Variants in MORC3 observed in about 807,000 individuals in gnomAD.
MORC3 encodes the protein MORC family CW-type zinc finger 3.
In MORC3, 31 loss-of-function variants were observed where a neutral mutation model predicts 109.1. The ratio of observed to expected loss-of-function variants is 0.28; its 90% CI spans 0.21 to 0.38. The LOEUF is 0.38. MORC3 is among the 10% of genes least tolerant of loss of function. The pLI, the probability that MORC3 is intolerant of heterozygous loss-of-function variation, is 1.00. For missense variants in MORC3, 867 were observed against 1,135.8 expected, an observed-to-expected ratio of 0.76 and a Z score of 3.40; for synonymous variants, 395 against 380.7, an observed-to-expected ratio of 1.04 and a Z score of -0.44.
At chr21:36,359,556 CTTTTTTTTTTTT>C (rs5843757) in intron 10 of MORC3, among the ~76,000 whole-genome samples, 90 of 93,946 alleles carry the variant, frequency 9.6e-4, no homozygotes, top group African/African-American at 4.0e-3. Flanking sequence ...CTTTCCTCTC[CTTTTTTTTTTTT>C]TTTTTTTTTT....
chr21:36,351,395 T>C (rs1220986049), intron 9 of MORC3, among the ~76,000 whole-genome samples: 1 of 152,144 alleles, frequency 6.6e-6, no homozygotes, highest in Admixed American at 6.6e-5. Context: ...CCAAATACTG[T>C]ATCTTATTCC....
At chr21:36,327,012 G>A (rs2146286466) in intron 1 of MORC3, among the ~76,000 whole-genome samples, 1 of 151,450 alleles carries the variant, frequency 6.6e-6, no homozygotes, top group East Asian at 1.9e-4. Flanking sequence ...GACGGGTTTT[G>A]CCATGTTGCC....
chr21:36,343,746 C>T (rs1004825611), intron 6 of MORC3, among the ~76,000 whole-genome samples: 2 of 152,088 alleles, frequency 1.3e-5, no homozygotes, highest in African/African-American at 4.8e-5. Flanking sequence ...CTTGCCTAGC[C>T]ACTTTTTGCT....
At chr21:36,323,862 C>T (rs2085218852) in intron 1 of MORC3, among the ~76,000 whole-genome samples, 1 of 151,452 alleles carries the variant, frequency 6.6e-6, no homozygotes, top group African/African-American at 2.4e-5. Context: ...TATCTCCTAC[C>T]TTGCTCTTAC....
At chr21:36,352,367 TAA>T (rs2146318126) in intron 9 of MORC3, among the ~76,000 whole-genome samples, 1 of 124,916 alleles carries the variant, frequency 8.0e-6, no homozygotes, top group East Asian at 2.5e-4. Context: ...CTTGAGGAAA[TAA>T]CTAATGTAAT....
At chr21:36,333,515 G>A (rs1401909145) in intron 1 of MORC3, 131 bp from the exon 2 acceptor site, 13 of 684,082 alleles carry the variant, frequency 1.9e-5, no homozygotes, top group South Asian at 1.6e-4. Flanking sequence ...TCTTCCAGAT[G>A]TATCCTGGAG....
At position 36,375,318 on chromosome 21, in the gene MORC3, A is replaced by G. The variant is rs766718623; in HGVS notation, c.*22A>G. 6 of 1,582,248 alleles carry G rather than the reference A, an allele frequency of 3.8e-6. No homozygotes were observed. Among genetic ancestry groups the G allele is most frequent in the Non-Finnish European group, 5.2e-6 (6 of 1,159,316 alleles). ...TTAAAGTATATGTTATGTAAGATAA[A>G]ATATTTGCTCAATTCTTTTGGTTGT... On this transcript the variant is annotated 3_prime_UTR_variant, in exon 17 of 17. Transcript: ENST00000400485.
intron 1 of MORC3, among the ~76,000 whole-genome samples, chr21:36,321,171 G>A (rs538423873): frequency 4.1e-4 from 63 of 152,288 alleles, no homozygotes; most frequent in African/African-American, 1.4e-3. Flanking sequence ...GTACAAACAC[G>A]TAGTGAATAA....
intron 9 of MORC3, among the ~76,000 whole-genome samples, chr21:36,356,115 C>G (rs2085642429): frequency 1.3e-5 from 2 of 152,108 alleles, no homozygotes; most frequent in Admixed American, 1.3e-4. Context: ...TATGAAATTA[C>G]TATAATAATA....
intron 9 of MORC3, among the ~76,000 whole-genome samples, chr21:36,351,055 TC>T (rs2085564963): frequency 7.8e-6 from 1 of 127,400 alleles, no homozygotes; most frequent in Non-Finnish European, 1.6e-5. Flanking sequence ...ACGGTTGTCC[TC>T]CTTTTTTTTT....
intron 2 of MORC3, 135 bp from the exon 3 acceptor site, chr21:36,336,739 T>G: frequency 1.3e-6 from 1 of 797,572 alleles, no homozygotes; most frequent in Admixed American, 3.6e-5. Context: ...TCTTTAAATT[T>G]TAAAGCTGCT....
intron 1 of MORC3, among the ~76,000 whole-genome samples, chr21:36,333,179 A>G (rs1379744150): frequency 1.3e-5 from 2 of 152,222 alleles, no homozygotes; most frequent in Non-Finnish European, 2.9e-5. Context: ...CTTGGAGTAA[A>G]TAATGAAGTC....
At chr21:36,364,353 A>T (rs918745206) in intron 14 of MORC3, 94 bp downstream of exon 14, 1 of 1,324,688 alleles carries the variant, frequency 7.5e-7, no homozygotes, top group African/African-American at 1.5e-5. Flanking sequence ...GGATCATTGT[A>T]GGTTCCATTG....
In MORC3 at chr21:36,350,575, G is replaced by C. The variant is rs1454973402; in HGVS notation, c.1103+1167G>C. ...AAAAAAAAAAAAATTTCGGTTCTTT[G>C]GTAGGACTAATAAAGTCTATAAGCA... On this transcript the variant is annotated intron_variant, in intron 9 of 16. Transcript: ENST00000400485. Among the ~76,000 whole-genome samples, 4 of 151,176 alleles carry C rather than the reference G, an allele frequency of 2.6e-5. No homozygotes were observed. The East Asian group carries it at 7.7e-4, about 29-fold the overall frequency.
chr21:36,347,481 G>A (rs923340935), intron 8 of MORC3, among the ~76,000 whole-genome samples: 1 of 152,142 alleles, frequency 6.6e-6, no homozygotes, highest in Non-Finnish European at 1.5e-5. Flanking sequence ...GGCTGTTACA[G>A]CTAAATTACA....
chr21:36,353,920 A>C (rs1339471815), intron 9 of MORC3, among the ~76,000 whole-genome samples: 1 of 151,372 alleles, frequency 6.6e-6, no homozygotes, highest in Admixed American at 6.6e-5. Flanking sequence ...AAAATAAAAA[A>C]ATTAGCCGGG....
chr21:36,341,875 A>T (rs146079120), intron 6 of MORC3, among the ~76,000 whole-genome samples: 1 of 152,334 alleles, frequency 6.6e-6, no homozygotes, highest in African/African-American at 2.4e-5. Flanking sequence ...TCAATATATT[A>T]GTCAGTATAT....
intron 1 of MORC3, among the ~76,000 whole-genome samples, chr21:36,321,766 A>G (rs947379619): frequency 1.3e-5 from 2 of 151,714 alleles, no homozygotes; most frequent in African/African-American, 2.4e-5. Flanking sequence ...AGTCTTGTTC[A>G]GGCCCAGAAA....
intron 16 of MORC3, among the ~76,000 whole-genome samples, chr21:36,374,492 G>A (rs2085907032): frequency 6.6e-6 from 1 of 151,920 alleles, no homozygotes; most frequent in Non-Finnish European, 1.5e-5. Context: ...ATATCTTATA[G>A]AACATGTTTT....
Sources: allele counts gnomAD v4.1 joint callset (sites outside exome capture counted in the v4.1 genomes callset), GRCh38; gene constraint gnomAD v4.1.1; transcripts MANE v1.5; gene names NCBI Gene and HGNC (gene_info 2026-07-23, HGNC 2026-07-21).